SLC24A2: variants seen among roughly 807,000 people sequenced by gnomAD.
SLC24A2 encodes the protein sodium/potassium/calcium exchanger 2.
SLC24A2 carries 36 observed loss-of-function variants against 62.0 expected under a neutral mutation model. That is an observed-to-expected ratio of 0.58 (90% CI 0.44 to 0.77). The LOEUF is 0.77. SLC24A2 is among the 30% of genes least tolerant of loss of function. The pLI, the probability that SLC24A2 is intolerant of heterozygous loss-of-function variation, is 0.00. For missense variants in SLC24A2, 846 were observed against 817.9 expected (o/e 1.03, Z -0.42); for synonymous variants, 358 against 294.0 (o/e 1.22, Z -2.23).
the SLC24A2 span, among the ~76,000 whole-genome samples, chr9:20,287,562 T>C: frequency 1.3e-5 from 2 of 152,226 alleles, no homozygotes; most frequent in Admixed American, 1.3e-4. Context: ...GACTTTTCAC[T>C]CATACAACGA....
chr9:20,174,944 T>C, the SLC24A2 span, among the ~76,000 whole-genome samples: 1 of 151,464 alleles, frequency 6.6e-6, no homozygotes, highest in African/African-American at 2.4e-5. Flanking sequence ...AAATGTGTAA[T>C]CAAACCCAAA....
chr9:19,712,295 T>C (rs1259778305), intron 2 of SLC24A2, among the ~76,000 whole-genome samples: 1 of 152,246 alleles, frequency 6.6e-6, no homozygotes, highest in Non-Finnish European at 1.5e-5. Context: ...AGTCTAGTAA[T>C]GACCACACTC....
At chr9:19,807,798 G>C in the SLC24A2 span, among the ~76,000 whole-genome samples, 1 of 152,164 alleles carries the variant, frequency 6.6e-6, no homozygotes, top group East Asian at 1.9e-4. Flanking sequence ...GTTTACACCA[G>C]TTCTAGCACT....
chr9:19,509,022 T>G lies in SLC24A2; in HGVS notation c.*7131A>C, dbSNP rs374759186. 2.4e-4 allele frequency: 36 copies of G among 152,222 alleles called. No individual in the cohort carries two copies. Among genetic ancestry groups the G allele is most frequent in the African/African-American group, 8.7e-4 (36 of 41,454 alleles). The allele number at this position is 152,222 out of a possible 1,614,324, so 9.4% of individuals were successfully genotyped here. A position where few individuals can be genotyped will look rare whatever the true frequency, so the allele number is the denominator to read the frequency against. ...TAGGCATAAGGAATTATTGATAAAT[T>G]GTATACCTCTATTTCCCATTTTTAT... On this transcript the variant is annotated 3_prime_UTR_variant, in exon 11 of 11. Coordinates refer to ENST00000341998, the MANE Select transcript of SLC24A2 (RefSeq NM_020344.4).
At chr9:20,107,138 G>C in the SLC24A2 span, among the ~76,000 whole-genome samples, 1 of 152,136 alleles carries the variant, frequency 6.6e-6, no homozygotes, top group Non-Finnish European at 1.5e-5. Context: ...AACTTACAAG[G>C]GATGTGAAGG....
intron 2 of SLC24A2, among the ~76,000 whole-genome samples, chr9:19,644,608 T>G (rs555791077): frequency 6.6e-6 from 1 of 152,296 alleles, no homozygotes; most frequent in African/African-American, 2.4e-5. Flanking sequence ...GCCCTCTATC[T>G]CCAATTCTAG....
intron 2 of SLC24A2, among the ~76,000 whole-genome samples, chr9:19,721,829 T>A (rs1426641619): frequency 6.6e-6 from 1 of 152,186 alleles, no homozygotes; most frequent in Non-Finnish European, 1.5e-5. Context: ...TGAGCCTTTA[T>A]GTTTGTGTAT....
intron 7 of SLC24A2, among the ~76,000 whole-genome samples, chr9:19,552,159 C>T (rs1290866097): frequency 1.3e-5 from 2 of 152,200 alleles, no homozygotes; most frequent in Non-Finnish European, 2.9e-5. Context: ...TTTCTTTCTT[C>T]CATCCTGAGG....
chr9:20,289,935 A>G, the SLC24A2 span, among the ~76,000 whole-genome samples: 1 of 152,200 alleles, frequency 6.6e-6, no homozygotes, highest in Non-Finnish European at 1.5e-5. Context: ...TTCAGAATTT[A>G]AACACACAGC....
the SLC24A2 span, among the ~76,000 whole-genome samples, chr9:20,242,508 A>G: frequency 6.6e-6 from 1 of 152,340 alleles, no homozygotes; most frequent in African/African-American, 2.4e-5. Flanking sequence ...TAGTGGTCCA[A>G]TGGGAGAAGA....
In SLC24A2 at chr9:19,597,242, T is replaced by C; in HGVS notation, c.1116A>G (p.Thr372=). 1 of 1,586,622 alleles carries C rather than the reference T, an allele frequency of 6.3e-7. No individual in the cohort carries two copies. The highest frequency in any genetic ancestry group is 8.7e-7 in the Non-Finnish European group (1 of 1,155,102). The change falls in exon 5 of 11, where the codon ACA becomes ACG. Residue 372 remains threonine (T), a synonymous_variant. Coordinates refer to ENST00000341998, the MANE Select transcript of SLC24A2 (RefSeq NM_020344.4). ...GSYGKLKYYD[T]MTEEGRFREK... ...AATCATTCTTACCTTCTTCAGTCATTGTGTCATAATATTTTAGTTTTCCAT... is the reference window on the plus strand; with the variant it reads ...AATCATTCTTACCTTCTTCAGTCATCGTGTCATAATATTTTAGTTTTCCAT...
At chr9:19,825,942 T>A in the SLC24A2 span, among the ~76,000 whole-genome samples, 12 of 152,148 alleles carry the variant, frequency 7.9e-5, no homozygotes, top group Non-Finnish European at 1.5e-5. Flanking sequence ...TCTAGGCACA[T>A]GCCTATTGCC....
the SLC24A2 span, among the ~76,000 whole-genome samples, chr9:19,947,815 A>G: frequency 2.0e-5 from 2 of 100,962 alleles, no homozygotes; most frequent in African/African-American, 5.7e-5. Context: ...AAAAAAAGAA[A>G]GAAAGAAAGA....
chr9:19,881,178 C>T, the SLC24A2 span, among the ~76,000 whole-genome samples: 5 of 152,084 alleles, frequency 3.3e-5, no homozygotes, highest in East Asian at 9.6e-4. Flanking sequence ...TCAGTGAGAT[C>T]ACTTGAGTCT....
chr9:19,551,584 C>A (rs1002898019), intron 7 of SLC24A2, among the ~76,000 whole-genome samples: 1 of 152,190 alleles, frequency 6.6e-6, no homozygotes. Flanking sequence ...TCCACTGATG[C>A]TTCCTTTTGA....
the SLC24A2 span, among the ~76,000 whole-genome samples, chr9:20,136,097 C>T: frequency 3.9e-5 from 6 of 152,046 alleles, no homozygotes; most frequent in Admixed American, 6.6e-5. Flanking sequence ...TATTATAGAA[C>T]AAGTAAACCC....
chr9:20,059,237 G>C, the SLC24A2 span, among the ~76,000 whole-genome samples: 3 of 152,146 alleles, frequency 2.0e-5, no homozygotes, highest in East Asian at 5.8e-4. Flanking sequence ...GGAAACAAGA[G>C]AACATTTAGA....
chr9:20,049,935 C>G, the SLC24A2 span, among the ~76,000 whole-genome samples: 2 of 152,066 alleles, frequency 1.3e-5, no homozygotes, highest in Non-Finnish European at 2.9e-5. Flanking sequence ...CTTCTTCCTC[C>G]CCTCTGCCCA....
At chr9:20,072,606 A>G in the SLC24A2 span, among the ~76,000 whole-genome samples, 1 of 152,136 alleles carries the variant, frequency 6.6e-6, no homozygotes, top group South Asian at 2.1e-4. Flanking sequence ...TAAGTCAGAT[A>G]TCTTGAGATG....
Sources: allele counts gnomAD v4.1 joint callset (sites outside exome capture counted in the v4.1 genomes callset), GRCh38; gene constraint gnomAD v4.1.1; transcripts MANE v1.5; gene names NCBI Gene and HGNC (gene_info 2026-07-23, HGNC 2026-07-21).